The following TFB2M variants were observed in gnomAD, a reference collection of about 807,000 sequenced individuals.
The protein encoded by TFB2M is transcription factor B2, mitochondrial.
In TFB2M, 44 loss-of-function variants were observed where a neutral mutation model predicts 41.3. The observed-to-expected ratio is 1.07, with a 90% CI of 0.84 to 1.37. The LOEUF (loss-of-function observed/expected upper bound fraction) is 1.37. Ranked by LOEUF, TFB2M falls within the 40% of genes most tolerant of loss-of-function variation. TFB2M has a pLI of 0.00. For synonymous variants in TFB2M, 188 were observed against 176.8 expected (o/e 1.06, Z -0.50); for missense variants, 496 against 490.2 (o/e 1.01, Z -0.11).
At chr1:246,560,730 T>A (rs1659436118) in intron 2 of TFB2M, among the ~76,000 whole-genome samples, 1 of 152,132 alleles carries the variant, frequency 6.6e-6, no homozygotes, top group African/African-American at 2.4e-5. Context: ...TGCATTAGGA[T>A]TCAAAAACAG....
intron 7 of TFB2M, among the ~76,000 whole-genome samples, chr1:246,543,629 C>T (rs1358399987): frequency 5.3e-5 from 8 of 151,914 alleles, no homozygotes; most frequent in Admixed American, 1.3e-4. Context: ...TGTGCATCAG[C>T]CCTACATACA....
At chr1:246,557,564 A>C (rs1287105670) in intron 2 of TFB2M, 30 bp from the exon 3 acceptor site, 2 of 1,536,528 alleles carry the variant, frequency 1.3e-6, no homozygotes, top group Admixed American at 4.5e-5. Flanking sequence ...ACACGTTAAA[A>C]ATTTTCAGCA....
intron 4 of TFB2M, among the ~76,000 whole-genome samples, chr1:246,554,104 T>C (rs1659254901): frequency 6.6e-6 from 1 of 152,172 alleles, no homozygotes; most frequent in African/African-American, 2.4e-5. Flanking sequence ...AGAACAGTCT[T>C]TCCACAAACG....
chr1:246,542,539 G>A (rs926498660), intron 7 of TFB2M, among the ~76,000 whole-genome samples: 1 of 151,924 alleles, frequency 6.6e-6, no homozygotes, highest in Non-Finnish European at 1.5e-5. Context: ...TGGGCATAGT[G>A]GTGGGCATAG....
chr1:246,561,030 A>T (rs1293383547), intron 2 of TFB2M, among the ~76,000 whole-genome samples: 2 of 152,212 alleles, frequency 1.3e-5, no homozygotes, highest in East Asian at 3.9e-4. Flanking sequence ...TTCAGTTTTC[A>T]GGAACAAACT....
chr1:246,558,718 C>T (rs914601159), intron 2 of TFB2M, among the ~76,000 whole-genome samples: 1 of 152,034 alleles, frequency 6.6e-6, no homozygotes, highest in Admixed American at 6.6e-5. Context: ...CAGCTATCCA[C>T]CAAATAAATG....
Position 246,564,436 on chromosome 1 carries a change from T to G in TFB2M, c.314-2A>C. On this transcript the variant is annotated splice_acceptor_variant, in intron 1 of 7. Coordinates refer to ENST00000366514, the MANE Select transcript of TFB2M (RefSeq NM_022366.3). LOFTEE classifies it high-confidence loss of function. Reference sequence around the variant, plus strand: ...ATGCCTGAGTCAGGATTCCAGGACCTGGCACATTAACAGAACGAAAAGTTT... The same window carrying G: ...ATGCCTGAGTCAGGATTCCAGGACCGGGCACATTAACAGAACGAAAAGTTT... 6.2e-7 allele frequency: 1 copy of G among 1,613,678 alleles called. No homozygotes were observed.
intron 2 of TFB2M, among the ~76,000 whole-genome samples, chr1:246,558,035 C>G (rs1444551495): frequency 6.6e-6 from 1 of 151,964 alleles, no homozygotes; most frequent in Non-Finnish European, 1.5e-5. Context: ...ACTAACATAC[C>G]CAAAATTTAA....
intron 7 of TFB2M, 53 bp downstream of exon 7, chr1:246,544,468 A>G: frequency 1.4e-6 from 2 of 1,471,154 alleles, no homozygotes; most frequent in Non-Finnish European, 1.8e-6. Context: ...AGCATGAAAG[A>G]ATAATTTGTG....
rs775013657 is a variant in TFB2M, at chr1:246,565,885, G to A, written c.254C>T (p.Ala85Val). ...VTDRRLAETLAQIYLGKPSRP... is the reference protein window; with the variant it reads ...VTDRRLAETLVQIYLGKPSRP... Reference sequence around the variant, plus strand: ...ACTTGGTTTTCCCAAATAGATTTGCGCCAGGGTCTCAGCCAATCTCCGATC... The same window carrying A: ...ACTTGGTTTTCCCAAATAGATTTGCACCAGGGTCTCAGCCAATCTCCGATC... Residue 85 changes from alanine to valine, a missense_variant, in exon 1 of 8, where the codon GCG becomes GTG. Physicochemically the swap from Ala to Val is moderately conservative, Grantham distance 64. Transcript: ENST00000366514. 9.9e-6 allele frequency: 16 copies of A among 1,611,010 alleles called. No homozygotes were observed. In the Admixed American group the frequency reaches 2.3e-4, roughly 24 times the overall value.
At chr1:246,561,455 C>A (rs1659452969) in intron 2 of TFB2M, among the ~76,000 whole-genome samples, 1 of 152,048 alleles carries the variant, frequency 6.6e-6, no homozygotes, top group Admixed American at 6.6e-5. Flanking sequence ...TAAAATTAAA[C>A]TGTTATCTTG....
At position 246,566,014 on chromosome 1, in the gene TFB2M, C is replaced by G; in HGVS notation, c.125G>C (p.Cys42Ser). 6.2e-7 allele frequency: 1 copy of G among 1,614,226 alleles called. No individual in the cohort carries two copies. Among genetic ancestry groups the G allele is most frequent in the South Asian group, 1.1e-5 (1 of 91,088 alleles). ...TRKHLPARNH[C>S]GLSDSSPQLW... is the part of the protein sequence containing the mutation. ...CTGCGGAGAGGAGTCAGAGAGCCCACAGTGGTTCCTCGCCGGCAAATGCTT... is the reference window on the plus strand; with the variant it reads ...CTGCGGAGAGGAGTCAGAGAGCCCAGAGTGGTTCCTCGCCGGCAAATGCTT... Residue 42 changes from cysteine (C) to serine (S), a missense_variant, in exon 1 of 8, where the codon TGT becomes TCT. Transcript: ENST00000366514.
At chr1:246,541,965 T>C (rs1368649699) in intron 7 of TFB2M, among the ~76,000 whole-genome samples, 3 of 152,344 alleles carry the variant, frequency 2.0e-5, no homozygotes, top group African/African-American at 4.8e-5. Context: ...GATTTCATTG[T>C]TGCTTGAACA....
At chr1:246,549,549 T>A (rs1014760960) in intron 5 of TFB2M, among the ~76,000 whole-genome samples, 3 of 152,214 alleles carry the variant, frequency 2.0e-5, no homozygotes, top group Admixed American at 2.0e-4. Flanking sequence ...GCTGGTGCAC[T>A]CCAACCTGGG....
intron 2 of TFB2M, among the ~76,000 whole-genome samples, chr1:246,558,853 A>T (rs1338778242): frequency 6.6e-6 from 1 of 152,208 alleles, no homozygotes; most frequent in East Asian, 1.9e-4. Context: ...CTCATCTTGC[A>T]GTAGTACTAG....
rs750240368 is a variant in TFB2M at position 246,544,610 on chromosome 1, C to T, written c.930G>A (p.Lys310=). The change falls in exon 7 of 8, where the codon AAG becomes AAA. Residue 310 remains lysine (K), a synonymous_variant. Transcript: ENST00000366514. ...QMIPRQNLFT[K]NLTPMNYNIF... is the part of the protein sequence containing the mutation. ...TATTATAGTTCATAGGTGTTAAGTT[C>T]TTGGTAAATAAATTTTGACGAGGAA... The T allele has an allele frequency of 6.2e-7, 1 of 1,609,648 alleles. No individual in the cohort carries two copies. Among genetic ancestry groups the T allele is most frequent in the Non-Finnish European group, 8.5e-7 (1 of 1,178,920 alleles).
chr1:246,557,009 C>T (rs1358831758), intron 3 of TFB2M, among the ~76,000 whole-genome samples: 2 of 152,042 alleles, frequency 1.3e-5, no homozygotes, highest in East Asian at 3.9e-4. Context: ...TACGGTGGCT[C>T]ACATCTGTAA....
rs67635747 is a variant in TFB2M at position 246,547,665 on chromosome 1, G to GT, written c.858+879dup. Among the ~76,000 whole-genome samples the GT allele has an allele frequency of 6.4e-3, 922 of 144,556 alleles. 10 individuals carry two copies. Among genetic ancestry groups the GT allele is most frequent in the African/African-American group, 0.017 (695 of 40,238 alleles). 94.8% of individuals were successfully genotyped at this position (144,556 alleles called of 152,430 possible). A position where few individuals can be genotyped will look rare whatever the true frequency, so the allele number is the denominator to read the frequency against. On this transcript the variant is annotated intron_variant, in intron 6 of 7. Transcript: ENST00000366514. ...TTAGGCCATTGTTAGCATTTAATTC[G>GT]TTTTTTTTTTTTTTAAGCCCCAAAC...
chr1:246,556,797 A>C (rs936405157), intron 3 of TFB2M, 76 bp from the exon 4 acceptor site: 2 of 1,167,848 alleles, frequency 1.7e-6, no homozygotes, highest in African/African-American at 3.2e-5. Flanking sequence ...TTTTGAGACA[A>C]ACTAAGTTAA....
Sources: gnomAD v4.1 joint callset for allele counts (sites outside exome capture counted in the v4.1 genomes callset) on GRCh38, gnomAD v4.1.1 for gene constraint, MANE v1.5 for transcripts, NCBI Gene and HGNC (gene_info 2026-07-23, HGNC 2026-07-21) for gene names.